The following ZNF407 variants were observed in gnomAD, a reference collection of about 807,000 sequenced individuals.
ZNF407 encodes zinc finger protein 407.
Under a neutral mutation model 131.2 loss-of-function variants are expected in ZNF407, and 17 were observed. The ratio of observed to expected loss-of-function variants is 0.13; its 90% CI spans 0.09 to 0.19. ZNF407 has a LOEUF of 0.19. ZNF407 is among the 10% of genes least tolerant of loss of function. The probability of loss-of-function intolerance (pLI) is 1.00; values close to 1 mark genes in which losing one functional copy is unlikely to be tolerated. For missense variants in ZNF407, 2,681 were observed against 2,830.6 expected (o/e 0.95, Z 1.20); for synonymous variants, 1,156 against 1,062.0 (o/e 1.09, Z -1.72).
chr18:75,008,559 G>T (rs1158226747), intron 8 of ZNF407, among the ~76,000 whole-genome samples: 1 of 151,990 alleles, frequency 6.6e-6, no homozygotes, highest in East Asian at 1.9e-4. Flanking sequence ...TTGCAAATAT[G>T]GTTGCAAAAA....
At chr18:74,751,883 A>G (rs1259798045) in intron 3 of ZNF407, among the ~76,000 whole-genome samples, 1 of 152,212 alleles carries the variant, frequency 6.6e-6, no homozygotes, top group African/African-American at 2.4e-5. Context: ...TTGGGGATAT[A>G]CCCAGTAATG....
At chr18:74,710,973 T>G (rs968719549) in intron 3 of ZNF407, among the ~76,000 whole-genome samples, 5 of 108,072 alleles carry the variant, frequency 4.6e-5, no homozygotes, top group African/African-American at 1.5e-4. Context: ...ATGAATCAAT[T>G]CACTCTGTCC....
intron 8 of ZNF407, among the ~76,000 whole-genome samples, chr18:74,962,204 G>A (rs529522090): frequency 2.3e-4 from 35 of 152,264 alleles, no homozygotes; most frequent in Non-Finnish European, 1.3e-4. Context: ...TGAAATGGAA[G>A]CAACACAGAA....
intron 8 of ZNF407, among the ~76,000 whole-genome samples, chr18:74,959,039 A>C (rs1278201878): frequency 6.6e-6 from 1 of 152,162 alleles, no homozygotes; most frequent in Non-Finnish European, 1.5e-5. Context: ...CATTTTACTT[A>C]CTGAACATTT....
chr18:74,759,900 T>C (rs1431499800), intron 3 of ZNF407, among the ~76,000 whole-genome samples: 1 of 151,642 alleles, frequency 6.6e-6, no homozygotes, highest in East Asian at 1.9e-4. Flanking sequence ...TTCTGTTGAC[T>C]GCTTTTTTCC....
At chr18:74,871,234 T>G (rs566740307) in intron 4 of ZNF407, among the ~76,000 whole-genome samples, 53 of 152,340 alleles carry the variant, frequency 3.5e-4, no homozygotes, top group African/African-American at 1.2e-3. Flanking sequence ...CAGTTGCAGC[T>G]CTGAAGAAAT....
chr18:74,883,199 C>T (rs1212761024), intron 6 of ZNF407, among the ~76,000 whole-genome samples: 2 of 152,346 alleles, frequency 1.3e-5, no homozygotes, highest in Middle Eastern at 3.4e-3. Flanking sequence ...TTATCTGCCT[C>T]TGTAGCACAA....
At chr18:74,803,143 G>C (rs897727079) in intron 4 of ZNF407, among the ~76,000 whole-genome samples, 2 of 152,164 alleles carry the variant, frequency 1.3e-5, no homozygotes, top group Admixed American at 1.3e-4. Flanking sequence ...ACCTGTCAGA[G>C]TCAAAAGAAA....
chr18:74,974,610 A>G (rs544916239), intron 8 of ZNF407, among the ~76,000 whole-genome samples: 1 of 152,354 alleles, frequency 6.6e-6, no homozygotes, highest in East Asian at 1.9e-4. Context: ...TACAGCTTAC[A>G]TAGTGAAAAC....
At position 74,634,102 on chromosome 18, in the gene ZNF407, C is replaced by T; in HGVS notation, c.3083C>T (p.Ser1028Phe). Reference sequence around the variant, plus strand: ...TTGCACTGTGAGTTTAGTGCTCACTCCTCTGCTTCTCTAGAGCTGCATGTA... The same window carrying T: ...TTGCACTGTGAGTTTAGTGCTCACTTCTCTGCTTCTCTAGAGCTGCATGTA... ...KCLHCEFSAH[S>F]SASLELHVKR... Residue 1028 changes from serine to phenylalanine, a missense_variant, in exon 2 of 9, where the codon TCC (serine) becomes TTC (phenylalanine). By Grantham distance (155) the Ser-to-Phe change is radical (BLOSUM62 -2). Around this residue, in one of 6 missense-constraint regions of ZNF407, gnomAD observed 1,789 missense variants for 1,748.7 expected, o/e 1.02. Coordinates refer to ENST00000299687, the MANE Select transcript of ZNF407 (RefSeq NM_017757.3). 6.2e-7 allele frequency: 1 copy of T among 1,614,004 alleles called. No individual in the cohort carries two copies. Among genetic ancestry groups the T allele is most frequent in the Non-Finnish European group, 8.5e-7 (1 of 1,179,910 alleles).
chr18:74,630,916 T>C, intron 1 of ZNF407, 51 bp from the exon 2 acceptor site: 2 of 1,346,074 alleles, frequency 1.5e-6, no homozygotes, highest in Admixed American at 5.7e-5. Context: ...TTTAGACTAA[T>C]ACGTGTGTCT....
Position 74,719,385 on chromosome 18 carries a change from G to GCTTA in ZNF407, c.4803-62022_4803-62019dup, listed in dbSNP as rs36159311. 6.4e-3 allele frequency among the ~76,000 whole-genome samples: 969 copies of GCTTA among 150,880 alleles called. 8 individuals carry two copies. The highest frequency in any genetic ancestry group is 0.022 in the African/African-American group (882 of 41,012). On this transcript the variant is annotated intron_variant, in intron 3 of 8. Transcript: ENST00000299687. The stretch of plus-strand genomic sequence containing the variant: ...CCTCTGTTCTACTTTTTACTTGCTT[G>GCTTA]CTTACTTACTTACTTACTTACTTAT...
At chr18:74,630,866 G>A (rs118098376) in intron 1 of ZNF407, 101 bp from the exon 2 acceptor site, 16,005 of 875,740 alleles carry the variant, frequency 0.018, 197 homozygotes, top group Non-Finnish European at 0.023. Flanking sequence ...TATAAAGGGT[G>A]TTTCATTGGG....
At chr18:74,711,250 G>A (rs561245857) in intron 3 of ZNF407, among the ~76,000 whole-genome samples, 3 of 152,310 alleles carry the variant, frequency 2.0e-5, no homozygotes, top group East Asian at 1.9e-4. Flanking sequence ...CCCAAAGAGT[G>A]TCCATGTCCT....
intron 8 of ZNF407, among the ~76,000 whole-genome samples, chr18:74,948,995 A>C (rs1012018350): frequency 6.6e-6 from 1 of 152,228 alleles, no homozygotes; most frequent in Non-Finnish European, 1.5e-5. Flanking sequence ...TTGGGAAGCA[A>C]ACTGTGGAAA....
chr18:74,933,113 T>C (rs1425529231), intron 8 of ZNF407, among the ~76,000 whole-genome samples: 1 of 152,108 alleles, frequency 6.6e-6, no homozygotes, highest in Non-Finnish European at 1.5e-5. Flanking sequence ...AGCAGCACTA[T>C]TAATAGTGAA....
intron 8 of ZNF407, among the ~76,000 whole-genome samples, chr18:74,936,608 G>C (rs944354212): frequency 1.3e-5 from 2 of 152,136 alleles, no homozygotes; most frequent in Admixed American, 6.5e-5. Flanking sequence ...TGTATGGCTA[G>C]TTCCTTCTCT....
chr18:75,045,768 G>A (rs1043802767), intron 8 of ZNF407, among the ~76,000 whole-genome samples: 5 of 152,120 alleles, frequency 3.3e-5, no homozygotes, highest in Admixed American at 1.3e-4. Context: ...GTAAGGTTTC[G>A]TGCTATGAGG....
At chr18:74,755,115 G>T (rs1359049740) in intron 3 of ZNF407, among the ~76,000 whole-genome samples, 1 of 151,924 alleles carries the variant, frequency 6.6e-6, no homozygotes, top group East Asian at 1.9e-4. Flanking sequence ...GGCCTTCTTT[G>T]TCTCTTTTGT....
Sources: gnomAD v4.1 joint callset for allele counts (sites outside exome capture counted in the v4.1 genomes callset) on GRCh38, gnomAD v4.1.1 for gene constraint, gnomAD v4.1.1 regional missense constraint, MANE v1.5 for transcripts, NCBI Gene and HGNC (gene_info 2026-07-23, HGNC 2026-07-21) for gene names.